The following UBAC2 variants were observed in gnomAD, a reference collection of about 807,000 sequenced individuals.
UBAC2 encodes UBA domain containing 2, also known as ubiquitin-associated domain-containing protein 2.
In UBAC2, 26 loss-of-function variants were observed where a neutral mutation model predicts 44.0. The ratio of observed to expected loss-of-function variants is 0.59; its 90% CI spans 0.43 to 0.82. The LOEUF is 0.82. Among genes scored for constraint, UBAC2 ranks in the 40% least tolerant of loss-of-function variants. UBAC2 has a pLI of 0.00. For missense variants in UBAC2, 329 were observed against 419.4 expected (o/e 0.78, Z 1.88); for synonymous variants, 155 against 154.3 (o/e 1.00, Z -0.04).
intron 4 of UBAC2, among the ~76,000 whole-genome samples, chr13:99,263,852 T>C (rs2043703964): frequency 6.6e-6 from 1 of 152,176 alleles, no homozygotes; most frequent in Non-Finnish European, 1.5e-5. Context: ...ATGAATCTCA[T>C]GAATCTAGTG....
chr13:99,282,496 G>A (rs1346521570), intron 4 of UBAC2, among the ~76,000 whole-genome samples: 1 of 152,152 alleles, frequency 6.6e-6, no homozygotes, highest in Non-Finnish European at 1.5e-5. Context: ...TATTTTAGCT[G>A]TCTTCCTCTT....
chr13:99,368,688 AGT>A (rs35193753), intron 8 of UBAC2, among the ~76,000 whole-genome samples: 21,608 of 146,520 alleles, frequency 0.15, 2,027 homozygotes, highest in African/African-American at 0.28. Flanking sequence ...CTCATGAGAG[AGT>A]GTGTGTGTGT....
intron 6 of UBAC2, among the ~76,000 whole-genome samples, chr13:99,334,501 A>G (rs2044759506): frequency 6.6e-6 from 1 of 152,218 alleles, no homozygotes; most frequent in African/African-American, 2.4e-5. Flanking sequence ...CCAAGAACCT[A>G]TCAGTGAGTT....
intron 1 of UBAC2, among the ~76,000 whole-genome samples, chr13:99,220,546 C>G (rs955296000): frequency 3.3e-5 from 5 of 152,174 alleles, no homozygotes; most frequent in African/African-American, 9.7e-5. Flanking sequence ...AAAAGGAATT[C>G]TTAAACTTTA....
intron 2 of UBAC2, among the ~76,000 whole-genome samples, chr13:99,242,973 C>T (rs928344218): frequency 4.7e-5 from 7 of 148,964 alleles, no homozygotes; most frequent in Non-Finnish European, 7.4e-5. Flanking sequence ...AAGAGGCGCT[C>T]CTCACTTCCT....
chr13:99,295,020 C>A lies in UBAC2; in HGVS notation c.390-19077C>A. 1 of 1,561,316 alleles carries A rather than the reference C, an allele frequency of 6.4e-7. No homozygotes were observed. Among genetic ancestry groups the A allele is most frequent in the South Asian group, 1.2e-5 (1 of 82,498 alleles). ...ATAAGGGAAGTCCTGCAAAGTTTGT[C>A]ATACAGTTTACGTCACTATAAACCA... On this transcript the variant is annotated intron_variant, in intron 4 of 8. Transcript: ENST00000403766. This position sits in a 1 kb window ranked among gnomAD's most constrained non-coding sequence, Gnocchi z 4.1.
intron 1 of UBAC2, among the ~76,000 whole-genome samples, chr13:99,236,952 A>G (rs887133564): frequency 1.4e-5 from 2 of 148,020 alleles, no homozygotes; most frequent in South Asian, 2.2e-4. Context: ...TACAGTCACG[A>G]TGGAAAACAG....
At position 99,295,726 on chromosome 13, in the gene UBAC2, G is replaced by A; in HGVS notation, c.390-18371G>A. The A allele has an allele frequency of 6.2e-7, 1 of 1,614,020 alleles. No individual in the cohort carries two copies. The highest frequency in any genetic ancestry group is 8.5e-7 in the Non-Finnish European group (1 of 1,179,974). On this transcript the variant is annotated intron_variant, in intron 4 of 8. Coordinates refer to ENST00000403766, the MANE Select transcript of UBAC2 (RefSeq NM_001144072.2). This position sits in a 1 kb window ranked among gnomAD's most constrained non-coding sequence, Gnocchi z 4.1. The stretch of plus-strand genomic sequence containing the variant: ...TTGCATGTTCAATCCTTTTTATCTT[G>A]TTGTAGCGTAGAGGGTGCACCACAG...
At chr13:99,374,552 T>C (rs1462585467) in intron 8 of UBAC2, among the ~76,000 whole-genome samples, 2 of 152,204 alleles carry the variant, frequency 1.3e-5, no homozygotes, top group Non-Finnish European at 2.9e-5. Flanking sequence ...AGCTGATAAA[T>C]AGCAAAATGT....
intron 6 of UBAC2, among the ~76,000 whole-genome samples, chr13:99,322,287 A>G (rs2044578470): frequency 6.6e-6 from 1 of 152,188 alleles, no homozygotes; most frequent in South Asian, 2.1e-4. Flanking sequence ...ACTGAACTTC[A>G]TTTAAATTCT....
chr13:99,294,712 A>G (rs575912761), intron 4 of UBAC2: 1 of 171,428 alleles, frequency 5.8e-6, no homozygotes, highest in East Asian at 1.7e-4. Context: ...ACATCTGGCA[A>G]TATATAATCT....
At chr13:99,358,830 T>C (rs1021123110) in intron 7 of UBAC2, among the ~76,000 whole-genome samples, 6 of 151,984 alleles carry the variant, frequency 3.9e-5, no homozygotes, top group Admixed American at 6.5e-5. Flanking sequence ...GCAAGAGATA[T>C]GGGGTGGGAG....
At chr13:99,284,423 A>G (rs2043992448) in intron 4 of UBAC2, among the ~76,000 whole-genome samples, 1 of 152,254 alleles carries the variant, frequency 6.6e-6, no homozygotes, top group Admixed American at 6.5e-5. Context: ...GTTCTGGTTT[A>G]TAGAAAAGTT....
At chr13:99,278,576 A>G (rs1238729460) in intron 4 of UBAC2, among the ~76,000 whole-genome samples, 4 of 152,202 alleles carry the variant, frequency 2.6e-5, no homozygotes, top group Non-Finnish European at 5.9e-5. Flanking sequence ...AAAAATGATC[A>G]GTGTCTTTAA....
At chr13:99,278,340 G>A (rs548992978) in intron 4 of UBAC2, among the ~76,000 whole-genome samples, 8 of 152,146 alleles carry the variant, frequency 5.3e-5, no homozygotes, top group South Asian at 4.2e-4. Context: ...TCACTTTCTC[G>A]GGCGCGTGAA....
At chr13:99,347,319 G>GCCCCCCCCCCCCCCCCCCCCCCCCCC (rs3031439) in intron 7 of UBAC2, among the ~76,000 whole-genome samples, 1 of 20,550 alleles carries the variant, frequency 4.9e-5, no homozygotes, top group Admixed American at 7.2e-4. Context: ...ATCCCCGGGC[G>GCCCCCCCCCCCCCCCCCCCCCCCCCC]CCCCCCCCCC....
intron 4 of UBAC2, among the ~76,000 whole-genome samples, chr13:99,270,701 G>A (rs1429690884): frequency 1.3e-5 from 2 of 152,180 alleles, no homozygotes; most frequent in Non-Finnish European, 2.9e-5. Flanking sequence ...TAAAAATAAG[G>A]AACAGGAAGC....
chr13:99,254,777 A>G, intron 4 of UBAC2: 1 of 846,092 alleles, frequency 1.2e-6, no homozygotes, highest in Admixed American at 2.7e-5. Context: ...TATTTTTTCA[A>G]GAGAAAAGGG....
At chr13:99,383,150 G>A (rs575619979) in intron 8 of UBAC2, among the ~76,000 whole-genome samples, 1 of 152,246 alleles carries the variant, frequency 6.6e-6, no homozygotes, top group African/African-American at 2.4e-5. Flanking sequence ...TTAGTAGTGT[G>A]CATGTGTGTG....
Sources: allele counts gnomAD v4.1 joint callset (sites outside exome capture counted in the v4.1 genomes callset), GRCh38; gene constraint gnomAD v4.1.1; non-coding constraint Gnocchi (gnomAD v3.1); transcripts MANE v1.5; gene names NCBI Gene and HGNC (gene_info 2026-07-23, HGNC 2026-07-21).